The following RIMS2 variants were observed in gnomAD, a reference collection of about 807,000 sequenced individuals.
The protein encoded by RIMS2 is regulating synaptic membrane exocytosis 2, also known as regulating synaptic membrane exocytosis protein 2.
A neutral mutation model predicts 174.4 loss-of-function variants in RIMS2; 59 were observed. The ratio of observed to expected loss-of-function variants is 0.34; its 90% confidence interval spans 0.27 to 0.42. The LOEUF is 0.42. Ranked by LOEUF, RIMS2 falls within the 10% of genes least tolerant of loss-of-function variation. The pLI, the probability that RIMS2 is intolerant of heterozygous loss-of-function variation, is 1.00. For missense variants in RIMS2, 1,620 were observed against 1,666.3 expected, an observed-to-expected ratio of 0.97 and a Z score of 0.48; for synonymous variants, 606 against 572.5, an observed-to-expected ratio of 1.06 and a Z score of -0.84.
intron 19 of RIMS2, 93 bp from the exon 26 acceptor site, chr8:104,244,823 T>C (rs1460002136): frequency 1.0e-6 from 1 of 978,568 alleles, no homozygotes; most frequent in Non-Finnish European, 1.6e-6. Flanking sequence ...ATTTACACAG[T>C]TCTTTGCATC....
chr8:103,785,935 C>T (rs931551043), intron 3 of RIMS2, among the ~76,000 whole-genome samples: 65 of 152,300 alleles, frequency 4.3e-4, no homozygotes, highest in Non-Finnish European at 7.8e-4. Flanking sequence ...TTGATTATTG[C>T]CACAATTTCA....
At chr8:104,190,084 C>G (rs114392486) in intron 19 of RIMS2, among the ~76,000 whole-genome samples, 3,490 of 152,048 alleles carry the variant, frequency 0.023, 138 homozygotes, top group African/African-American at 0.077. Context: ...GGGAGGATTA[C>G]TTGAGGCCAG....
intron 19 of RIMS2, among the ~76,000 whole-genome samples, chr8:104,088,149 G>T (rs1199457763): frequency 2.0e-5 from 3 of 151,900 alleles, no homozygotes; most frequent in African/African-American, 7.2e-5. Flanking sequence ...TCAGCATTCA[G>T]ATCAGGCACT....
At chr8:103,892,905 G>GA in intron 4 of RIMS2, among the ~76,000 whole-genome samples, 1 of 152,042 alleles carries the variant, frequency 6.6e-6, no homozygotes, top group South Asian at 2.1e-4. Context: ...AACATTTGAT[G>GA]ATTAAATTTG....
chr8:103,815,312 C>T (rs73697672), intron 3 of RIMS2, among the ~76,000 whole-genome samples: 2,863 of 152,220 alleles, frequency 0.019, 80 homozygotes, highest in African/African-American at 0.064. Flanking sequence ...AGGCAAAATA[C>T]ATTATCTTAT....
chr8:103,953,551 TGA>T (rs1385468486), intron 14 of RIMS2, among the ~76,000 whole-genome samples: 1 of 152,166 alleles, frequency 6.6e-6, no homozygotes, highest in African/African-American at 2.4e-5. Flanking sequence ...AAGGAAATGC[TGA>T]GAGATTTTGT....
At chr8:103,830,582 A>G (rs2098819494) in intron 3 of RIMS2, among the ~76,000 whole-genome samples, 1 of 152,278 alleles carries the variant, frequency 6.6e-6, no homozygotes, top group Admixed American at 6.5e-5. Context: ...TGTATTCTGT[A>G]CTTGCTGGAT....
intron 2 of RIMS2, among the ~76,000 whole-genome samples, chr8:103,704,249 C>T (rs12156411): frequency 0.065 from 9,838 of 150,678 alleles, 393 homozygotes; most frequent in Non-Finnish European, 0.086. Flanking sequence ...GTCTTTATTT[C>T]TATTATTGTG....
At chr8:103,926,996 C>T (rs2078903006) in intron 10 of RIMS2, among the ~76,000 whole-genome samples, 1 of 151,440 alleles carries the variant, frequency 6.6e-6, no homozygotes, top group Non-Finnish European at 1.5e-5. Flanking sequence ...GTATGACTAG[C>T]CCTTTTCTGT....
intron 1 of RIMS2, among the ~76,000 whole-genome samples, chr8:103,658,556 CT>C (rs943401921): frequency 1.4e-4 from 22 of 152,154 alleles, no homozygotes; most frequent in African/African-American, 5.3e-4. Context: ...CAAAGATCAT[CT>C]GCTTCTGGAA....
In RIMS2 at chr8:103,599,878, TC is replaced by T. The variant is rs1352888975; in HGVS notation, c.177-97206del. 3.3e-5 allele frequency among the ~76,000 whole-genome samples: 5 copies of T among 152,218 alleles called. No individual in the cohort carries two copies. The East Asian group carries it at 9.6e-4, about 29-fold the overall frequency. ...AGGTATCTGTTCCTTCAAGCCTTTA[TC>T]CTTTGTGTTACAAACCATCCAATTA... is the stretch of plus-strand genomic sequence containing the variant. On this transcript the variant is annotated intron_variant, in intron 1 of 23. Coordinates refer to ENST00000504942, the Ensembl canonical transcript of RIMS2.
At chr8:103,661,753 G>A (rs564884748) in intron 1 of RIMS2, among the ~76,000 whole-genome samples, 1 of 152,262 alleles carries the variant, frequency 6.6e-6, no homozygotes. Context: ...CAATCTGCCC[G>A]CTTGGTCTCC....
chr8:103,843,219 TTC>T (rs1441982457), intron 3 of RIMS2, among the ~76,000 whole-genome samples: 3 of 152,228 alleles, frequency 2.0e-5, no homozygotes, highest in Admixed American at 6.5e-5. Context: ...AATTTAGAGC[TTC>T]TGTTTCTTGG....
chr8:103,704,516 A>C (rs1403984036), intron 2 of RIMS2, among the ~76,000 whole-genome samples: 2 of 152,002 alleles, frequency 1.3e-5, no homozygotes, highest in Non-Finnish European at 2.9e-5. Context: ...CCTCTTCAAA[A>C]CTTGTTGGCA....
At chr8:103,982,658 T>C (rs1470469528) in intron 16 of RIMS2, among the ~76,000 whole-genome samples, 1 of 152,172 alleles carries the variant, frequency 6.6e-6, no homozygotes, top group Non-Finnish European at 1.5e-5. Flanking sequence ...ACCATATGAT[T>C]ATTTTAATTG....
At chr8:104,179,190 C>T (rs2098925151) in intron 19 of RIMS2, among the ~76,000 whole-genome samples, 1 of 151,934 alleles carries the variant, frequency 6.6e-6, no homozygotes, top group Non-Finnish European at 1.5e-5. Context: ...TCTATAAAAA[C>T]TTCAAATAGA....
chr8:104,228,171 G>A (rs2099201038), intron 19 of RIMS2, among the ~76,000 whole-genome samples: 1 of 151,916 alleles, frequency 6.6e-6, no homozygotes, highest in Non-Finnish European at 1.5e-5. Context: ...TGGGACTACA[G>A]GCATGTGCCA....
intron 19 of RIMS2, among the ~76,000 whole-genome samples, chr8:104,231,355 TTTC>T (rs1587938042): frequency 6.7e-6 from 1 of 149,294 alleles, no homozygotes; most frequent in African/African-American, 2.5e-5. Flanking sequence ...TATGAGGTGT[TTTC>T]TTTTTTTATG....
At chr8:104,091,991 C>G (rs2097667921) in intron 19 of RIMS2, among the ~76,000 whole-genome samples, 1 of 151,710 alleles carries the variant, frequency 6.6e-6, no homozygotes, top group African/African-American at 2.4e-5. Context: ...AAGGCCAATT[C>G]TCACGTAATT....
Sources: gnomAD v4.1 joint callset for allele counts (sites outside exome capture counted in the v4.1 genomes callset) on GRCh38, gnomAD v4.1.1 for gene constraint, MANE v1.5 for transcripts, NCBI Gene and HGNC (gene_info 2026-07-23, HGNC 2026-07-21) for gene names.